Variants in TAF1B observed in about 807,000 individuals in gnomAD.
TAF1B encodes the protein TATA-box binding protein associated factor, RNA polymerase I subunit B.
Under a neutral mutation model 83.9 loss-of-function variants are expected in TAF1B, and 61 were observed. That is an observed-to-expected ratio of 0.73 (90% CI 0.59 to 0.90). The LOEUF (loss-of-function observed/expected upper bound fraction) is 0.90. TAF1B is among the 40% of genes least tolerant of loss of function. The pLI is 0.00. For synonymous variants in TAF1B, 221 were observed against 224.6 expected (o/e 0.98, Z 0.14); for missense variants, 625 against 677.0 (o/e 0.92, Z 0.85).
chr2:9,918,003 C>T (rs1030643745), intron 12 of TAF1B, among the ~76,000 whole-genome samples: 43 of 149,526 alleles, frequency 2.9e-4, no homozygotes, highest in Non-Finnish European at 5.9e-4. Flanking sequence ...ACCCGGGAGG[C>T]GGAGCTTGCA....
Position 9,877,382 on chromosome 2 carries a change from C to G in TAF1B, c.707+1364C>G, listed in dbSNP as rs147923786. ...CTCTTTCTTAGTAAATGCCATCCAC[C>G]CTGTTGCATCCTATCCAGAAGCCTA... On this transcript the variant is annotated intron_variant, in intron 7 of 14. Coordinates refer to ENST00000263663, the MANE Select transcript of TAF1B (RefSeq NM_005680.3). Among the ~76,000 whole-genome samples, 254 of 152,274 alleles carry G rather than the reference C, an allele frequency of 1.7e-3. 2 individuals carry two copies. Among genetic ancestry groups the G allele is most frequent in the Non-Finnish European group, 5.7e-4 (39 of 68,020 alleles).
At chr2:9,866,319 A>G (rs1427821981) in intron 5 of TAF1B, among the ~76,000 whole-genome samples, 1 of 152,264 alleles carries the variant, frequency 6.6e-6, no homozygotes, top group African/African-American at 2.4e-5. Flanking sequence ...TATGCAGCCC[A>G]CAAACACATG....
chr2:9,891,087 A>G (rs1323522025), intron 8 of TAF1B, among the ~76,000 whole-genome samples: 1 of 152,238 alleles, frequency 6.6e-6, no homozygotes, highest in African/African-American at 2.4e-5. Flanking sequence ...TCTTACTTTA[A>G]ATTATACAAT....
At chr2:9,854,762 G>A (rs1449820563) in intron 5 of TAF1B, among the ~76,000 whole-genome samples, 1 of 152,076 alleles carries the variant, frequency 6.6e-6, no homozygotes, top group East Asian at 1.9e-4. Flanking sequence ...TATTCTGTTT[G>A]CTTGGAATAC....
intron 5 of TAF1B, among the ~76,000 whole-genome samples, chr2:9,862,037 G>T (rs561823104): frequency 6.9e-6 from 1 of 144,318 alleles, no homozygotes; most frequent in Non-Finnish European, 1.6e-5. Flanking sequence ...AAATCAGAAC[G>T]CCTCTCCTCC....
chr2:9,866,837 C>CA (rs1663993388), intron 5 of TAF1B, among the ~76,000 whole-genome samples: 1 of 150,626 alleles, frequency 6.6e-6, no homozygotes, highest in South Asian at 2.1e-4. Flanking sequence ...ATCACAAGGA[C>CA]AAAAAACCAA....
chr2:9,894,024 G>A (rs1664947240), intron 8 of TAF1B, among the ~76,000 whole-genome samples: 1 of 152,176 alleles, frequency 6.6e-6, no homozygotes, highest in Non-Finnish European at 1.5e-5. Flanking sequence ...ATAAAAGAGA[G>A]GAGTAGAAGA....
At chr2:9,909,507 G>A (rs1334011304) in intron 9 of TAF1B, among the ~76,000 whole-genome samples, 1 of 152,254 alleles carries the variant, frequency 6.6e-6, no homozygotes, top group Non-Finnish European at 1.5e-5. Flanking sequence ...AGGCAAGTGA[G>A]AATATGGCTT....
At chr2:9,918,797 C>G (rs1321950180) in intron 12 of TAF1B, among the ~76,000 whole-genome samples, 1 of 152,214 alleles carries the variant, frequency 6.6e-6, no homozygotes, top group Admixed American at 6.5e-5. Context: ...TAATTAATAG[C>G]TTCTTCAAGA....
chr2:9,869,630 CTA>C (rs1277135631), intron 6 of TAF1B, among the ~76,000 whole-genome samples: 1 of 151,600 alleles, frequency 6.6e-6, no homozygotes, highest in Non-Finnish European at 1.5e-5. Flanking sequence ...AATCTCAGGA[CTA>C]TGGGAGGCTG....
chr2:9,911,677 A>G, intron 11 of TAF1B, 120 bp downstream of exon 11: 4 of 569,280 alleles, frequency 7.0e-6, no homozygotes. Context: ...CATGTATACA[A>G]ATTGTATATT....
Position 9,851,574 on chromosome 2 carries a change from T to G in TAF1B, c.239T>G (p.Phe80Cys), listed in dbSNP as rs758923216. ...KGWDWYVCEG[F>C]QYILYQQAEA... is the part of the protein sequence containing the mutation. ...TGGGATTGGTATGTGTGTGAAGGTT[T>G]CCAGTATATTCTTTATCAACAAGCA... Residue 80 changes from phenylalanine to cysteine, a missense_variant, in exon 4 of 15, where the codon TTC (phenylalanine) becomes TGC (cysteine). Transcript: ENST00000263663. 6.2e-7 allele frequency: 1 copy of G among 1,612,470 alleles called. No individual in the cohort carries two copies. The highest frequency in any genetic ancestry group is 8.5e-7 in the Non-Finnish European group (1 of 1,179,532).
intron 8 of TAF1B, among the ~76,000 whole-genome samples, chr2:9,894,023 A>G (rs1254891020): frequency 6.6e-6 from 1 of 152,218 alleles, no homozygotes; most frequent in Non-Finnish European, 1.5e-5. Context: ...TATAAAAGAG[A>G]GGAGTAGAAG....
At chr2:9,886,397 G>A (rs1207061706) in intron 8 of TAF1B, among the ~76,000 whole-genome samples, 1 of 152,154 alleles carries the variant, frequency 6.6e-6, no homozygotes, top group African/African-American at 2.4e-5. Flanking sequence ...ATATGGGAAA[G>A]GATAATGTAT....
intron 3 of TAF1B, among the ~76,000 whole-genome samples, 172 bp from the exon 4 acceptor site, chr2:9,851,369 C>T (rs1473494779): frequency 1.3e-5 from 2 of 151,688 alleles, no homozygotes; most frequent in Non-Finnish European, 2.9e-5. Context: ...AGAATGGAAG[C>T]CCTCTTGAAT....
At chr2:9,918,920 A>G in intron 12 of TAF1B, 121 bp from the exon 13 acceptor site, 1 of 833,210 alleles carries the variant, frequency 1.2e-6, no homozygotes, top group Non-Finnish European at 2.0e-6. Context: ...GACATGTGCC[A>G]GTAGGCCATT....
At chr2:9,918,993 G>A in intron 12 of TAF1B, 48 bp from the exon 13 acceptor site, 1 of 1,474,618 alleles carries the variant, frequency 6.8e-7, no homozygotes. Context: ...ATGTGTTTAT[G>A]TCCGTTTCAT....
chr2:9,919,849 A>G (rs1665816938), intron 14 of TAF1B, 29 bp downstream of exon 14: 1 of 1,589,976 alleles, frequency 6.3e-7, no homozygotes, highest in East Asian at 2.3e-5. Context: ...AAAGTCACAT[A>G]TAATTGAAGT....
chr2:9,876,521 A>T (rs1664324940), intron 7 of TAF1B, among the ~76,000 whole-genome samples: 2 of 152,218 alleles, frequency 1.3e-5, no homozygotes, highest in South Asian at 4.1e-4. Flanking sequence ...AGGATAATCT[A>T]CAGAGTGTTT....
Sources: allele counts gnomAD v4.1 joint callset (sites outside exome capture counted in the v4.1 genomes callset), GRCh38; gene constraint gnomAD v4.1.1; transcripts MANE v1.5; gene names NCBI Gene and HGNC (gene_info 2026-07-23, HGNC 2026-07-21).